The following EYS variants were observed in gnomAD, a reference collection of about 807,000 sequenced individuals.
EYS encodes the protein EGF-like photoreceptor maintenance factor.
In EYS, 250 loss-of-function variants were observed where a neutral mutation model predicts 282.1. The ratio of observed to expected loss-of-function variants is 0.89; its 90% CI spans 0.80 to 0.98. EYS has a LOEUF of 0.98. Among genes scored for constraint, EYS ranks in the 50% least tolerant of loss-of-function variants. The pLI, the probability that EYS is intolerant of heterozygous loss-of-function variation, is 0.00. For missense variants in EYS, 4,016 were observed against 3,709.0 expected (o/e 1.08, Z -2.15); for synonymous variants, 1,355 against 1,282.9 (o/e 1.06, Z -1.20).
intron 30 of EYS, among the ~76,000 whole-genome samples, chr6:64,240,119 GT>G (rs1243976139): frequency 6.6e-6 from 1 of 152,136 alleles, no homozygotes. Flanking sequence ...CTATATCTCT[GT>G]TTTGGTACCA....
intron 19 of EYS, among the ~76,000 whole-genome samples, chr6:64,847,648 C>T (rs1159885072): frequency 2.6e-5 from 4 of 152,036 alleles, no homozygotes; most frequent in African/African-American, 4.8e-5. Context: ...TTAAAAGACT[C>T]ATCATGTCAG....
intron 37 of EYS, among the ~76,000 whole-genome samples, chr6:63,800,726 A>G (rs1582220274): frequency 6.6e-6 from 1 of 152,220 alleles, no homozygotes; most frequent in African/African-American, 2.4e-5. Context: ...AATCACTTGA[A>G]CCTGGCAGAT....
At chr6:65,400,763 A>G (rs1366402143) in intron 7 of EYS, among the ~76,000 whole-genome samples, 1 of 151,888 alleles carries the variant, frequency 6.6e-6, no homozygotes, top group African/African-American at 2.4e-5. Flanking sequence ...GGAAACTAAT[A>G]TCATCATAAT....
intron 31 of EYS, among the ~76,000 whole-genome samples, chr6:64,096,861 T>C (rs1772637744): frequency 6.6e-6 from 1 of 152,150 alleles, no homozygotes; most frequent in Admixed American, 6.6e-5. Flanking sequence ...TTCTGCTCTG[T>C]TTTTTCCCCA....
intron 19 of EYS, among the ~76,000 whole-genome samples, chr6:64,867,209 A>C (rs532278988): frequency 7.3e-6 from 1 of 136,650 alleles, no homozygotes; most frequent in South Asian, 2.5e-4. Context: ...ACTTATTAAA[A>C]GTTTATAGAG....
intron 2 of EYS, among the ~76,000 whole-genome samples, chr6:65,620,160 T>C (rs1485009917): frequency 3.3e-5 from 5 of 152,196 alleles, no homozygotes; most frequent in Admixed American, 6.5e-5. Flanking sequence ...TCTGGTAGAA[T>C]TCGGCTGTGA....
intron 35 of EYS, among the ~76,000 whole-genome samples, chr6:63,917,058 G>A (rs182533284): frequency 1.9e-4 from 29 of 152,294 alleles, no homozygotes; most frequent in South Asian, 2.1e-4. Context: ...TGTTCATGAC[G>A]GCAATATAAA....
At chr6:64,449,499 C>T (rs147661776) in intron 26 of EYS, among the ~76,000 whole-genome samples, 2,462 of 152,168 alleles carry the variant, frequency 0.016, 49 homozygotes, top group Non-Finnish European at 0.02. Context: ...TCAGGAAATA[C>T]AGAGAATGCC....
chr6:64,636,833 GA>G (rs1282112409), intron 22 of EYS, among the ~76,000 whole-genome samples: 1 of 140,350 alleles, frequency 7.1e-6, no homozygotes, highest in Non-Finnish European at 1.5e-5. Context: ...AATGACACAT[GA>G]AAAAATGCTC....
chr6:65,324,049 G>A (rs1471341325), intron 11 of EYS, among the ~76,000 whole-genome samples: 1 of 151,834 alleles, frequency 6.6e-6, no homozygotes, highest in Non-Finnish European at 1.5e-5. Flanking sequence ...CTTTACACCT[G>A]CTCTGTCTCC....
intron 26 of EYS, among the ~76,000 whole-genome samples, chr6:64,474,177 A>G (rs1246782636): frequency 1.3e-5 from 2 of 152,032 alleles, no homozygotes; most frequent in Non-Finnish European, 2.9e-5. Context: ...TTTTTTATCC[A>G]CTGTAGTGAG....
At chr6:64,576,928 A>C (rs1765899410) in intron 26 of EYS, among the ~76,000 whole-genome samples, 1 of 152,100 alleles carries the variant, frequency 6.6e-6, no homozygotes, top group Non-Finnish European at 1.5e-5. Flanking sequence ...TAGAGATGTA[A>C]TTAGTTAAGG....
chr6:64,532,702 C>G (rs923247214), intron 26 of EYS, among the ~76,000 whole-genome samples: 5 of 151,930 alleles, frequency 3.3e-5, no homozygotes, highest in Non-Finnish European at 2.9e-5. Flanking sequence ...GAGTGAGACT[C>G]CGTCTCAAAA....
intron 5 of EYS, among the ~76,000 whole-genome samples, chr6:65,423,468 G>A (rs1767543071): frequency 6.6e-6 from 1 of 151,844 alleles, no homozygotes; most frequent in Non-Finnish European, 1.5e-5. Context: ...GAATCACAGG[G>A]TCAGCTTTTT....
intron 41 of EYS, among the ~76,000 whole-genome samples, chr6:63,741,209 T>TCACCACTTTTATGG (rs1458663457): frequency 6.6e-6 from 1 of 152,194 alleles, no homozygotes; most frequent in African/African-American, 2.4e-5. Context: ...TCACTCATGA[T>TCACCACTTTTATGG]CACCACTTTT....
chr6:64,994,202 G>T (rs1771172103), intron 14 of EYS, among the ~76,000 whole-genome samples: 1 of 151,998 alleles, frequency 6.6e-6, no homozygotes, highest in African/African-American at 2.4e-5. Flanking sequence ...ACTTTCAAAA[G>T]ATTATTTTTT....
intron 26 of EYS, among the ~76,000 whole-genome samples, chr6:64,475,850 G>A (rs1282280420): frequency 1.3e-5 from 2 of 152,150 alleles, no homozygotes; most frequent in African/African-American, 2.4e-5. Context: ...GCAATAGCAT[G>A]TTCATAGCTC....
At chr6:65,142,923 C>T (rs1210989251) in intron 12 of EYS, among the ~76,000 whole-genome samples, 1 of 151,988 alleles carries the variant, frequency 6.6e-6, no homozygotes, top group African/African-American at 2.4e-5. Flanking sequence ...CAAATTAAGA[C>T]ATTTTCAGAT....
intron 5 of EYS, among the ~76,000 whole-genome samples, chr6:65,447,334 A>G (rs368795118): frequency 9.1e-5 from 9 of 99,004 alleles, no homozygotes; most frequent in African/African-American, 1.4e-4. Flanking sequence ...ATGTGTGTGT[A>G]TATATATATA....
Sources: allele counts gnomAD v4.1 joint callset (sites outside exome capture counted in the v4.1 genomes callset), GRCh38; gene constraint gnomAD v4.1.1; transcripts MANE v1.5; gene names NCBI Gene and HGNC (gene_info 2026-07-23, HGNC 2026-07-21).